Variants in NAPG observed in about 807,000 individuals in gnomAD.
NAPG encodes the protein NSF attachment protein gamma, also known as gamma-soluble NSF attachment protein.
NAPG carries 25 observed loss-of-function variants against 48.4 expected under a neutral mutation model. The observed-to-expected ratio is 0.52, with a 90% confidence interval of 0.38 to 0.72. NAPG has a LOEUF of 0.72. Among genes scored for constraint, NAPG ranks in the 30% least tolerant of loss-of-function variants. The pLI is 0.00. For missense variants in NAPG, 359 were observed against 372.5 expected (o/e 0.96, Z 0.30); for synonymous variants, 139 against 127.2 (o/e 1.09, Z -0.62).
In NAPG at chr18:10,539,979, C is replaced by G; in HGVS notation, c.369-9C>G. On this transcript the variant is annotated splice_polypyrimidine_tract_variant and intron_variant, in intron 6 of 11. Coordinates refer to ENST00000322897, the MANE Select transcript of NAPG (RefSeq NM_003826.3). The surrounding 1 kb of genome is among the most constrained non-coding windows in gnomAD (Gnocchi z 4.7). ...TCTCATATAAGACATGTTTTCTTGT[C>G]TGATTCAGGCTTATAGAAAATGTTG... 1 of 1,604,022 alleles carries G rather than the reference C, an allele frequency of 6.2e-7. No individual in the cohort carries two copies. Among genetic ancestry groups the G allele is most frequent in the Non-Finnish European group, 8.5e-7 (1 of 1,174,502 alleles).
In NAPG at chr18:10,534,427, C is replaced by T. The variant is rs1417581581; in HGVS notation, c.228-39C>T. The T allele has an allele frequency of 5.6e-6, 9 of 1,602,522 alleles. No homozygotes were observed. Among genetic ancestry groups the T allele is most frequent in the Admixed American group, 3.4e-5 (2 of 59,458 alleles). On this transcript the variant is annotated intron_variant, in intron 4 of 11. Transcript: ENST00000322897. The surrounding 1 kb of genome is among the most constrained non-coding windows in gnomAD (Gnocchi z 5.0). ...AGAAAGTTTCTTCTACCCCTTATTT[C>T]GTTAAGATCTCATCAGAGAAATTAT...
chr18:10,534,558 C>A lies in NAPG; in HGVS notation c.258+62C>A. Reference sequence around the variant, plus strand: ...AATGAATTAACTACAAGGTGTTAAACAAGAATTTTTGTTGAAGTTGAAAAG... The same window carrying A: ...AATGAATTAACTACAAGGTGTTAAAAAAGAATTTTTGTTGAAGTTGAAAAG... On this transcript the variant is annotated intron_variant, in intron 5 of 11. Transcript: ENST00000322897. The surrounding 1 kb of genome is among the most constrained non-coding windows in gnomAD (Gnocchi z 5.0). The A allele has an allele frequency of 6.5e-7, 1 of 1,532,944 alleles. No individual in the cohort carries two copies. The highest frequency in any genetic ancestry group is 9.0e-7 in the Non-Finnish European group (1 of 1,108,466). 95.0% of individuals were successfully genotyped at this position (1,532,944 alleles called of 1,614,324 possible).
At position 10,539,667 on chromosome 18, in the gene NAPG, C is replaced by G. The variant is rs1176305027; in HGVS notation, c.259-95C>G. The G allele has an allele frequency of 9.7e-7, 1 of 1,032,662 alleles. No individual in the cohort carries two copies. The highest frequency in any genetic ancestry group is 2.5e-5 in the East Asian group (1 of 39,230). The allele number at this position is 1,032,662 out of a possible 1,614,324, so 64.0% of individuals were successfully genotyped here. The stretch of plus-strand genomic sequence containing the variant: ...CACATTCTGCACATGTGTCCCAGAA[C>G]TTAAAATAAAAAATAATTGCATTTC... On this transcript the variant is annotated intron_variant, in intron 5 of 11. Transcript: ENST00000322897. This position sits in a 1 kb window ranked among gnomAD's most constrained non-coding sequence, Gnocchi z 4.7.
rs887379974 is a variant in NAPG, at chr18:10,548,508, C to G, written c.665+130C>G. On this transcript the variant is annotated intron_variant, in intron 10 of 11. Coordinates refer to ENST00000322897, the MANE Select transcript of NAPG (RefSeq NM_003826.3). The surrounding 1 kb of genome is among the most constrained non-coding windows in gnomAD (Gnocchi z 4.4). Reference sequence around the variant, plus strand: ...CTAAATCTTAGGAGTGCTCATCTACCATTTCATCTTTTACAGTGGGTGTTT... The same window carrying G: ...CTAAATCTTAGGAGTGCTCATCTACGATTTCATCTTTTACAGTGGGTGTTT... 7 of 690,644 alleles carry G rather than the reference C, an allele frequency of 1.0e-5. No homozygotes were observed. Among genetic ancestry groups the G allele is most frequent in the African/African-American group, 9.1e-5 (5 of 54,700 alleles). 42.8% of individuals were successfully genotyped at this position (690,644 alleles called of 1,614,324 possible).
At chr18:10,533,972 C>G (rs965751393) in intron 4 of NAPG, among the ~76,000 whole-genome samples, 1 of 152,052 alleles carries the variant, frequency 6.6e-6, no homozygotes. Flanking sequence ...TGGTGAAAAA[C>G]CTCGTCTCTA....
chr18:10,546,132 A>C lies in NAPG; in HGVS notation c.507-194A>C, dbSNP rs1324807884. Among the ~76,000 whole-genome samples, 1 of 152,120 alleles carries C rather than the reference A, an allele frequency of 6.6e-6. No homozygotes were observed. Among genetic ancestry groups the C allele is most frequent in the East Asian group, 1.9e-4 (1 of 5,190 alleles). On this transcript the variant is annotated intron_variant, in intron 8 of 11. Coordinates refer to ENST00000322897, the MANE Select transcript of NAPG (RefSeq NM_003826.3). The surrounding 1 kb of genome is among the most constrained non-coding windows in gnomAD (Gnocchi z 4.0). ...GCTTTTTCTGTCAGCGTGCAGCCTG[A>C]AAGTGGGGAGTCAGACATTTGAAAG...
In NAPG at chr18:10,550,484, A is replaced by C. The variant is rs2032365452; in HGVS notation, c.*264A>C. On this transcript the variant is annotated 3_prime_UTR_variant, in exon 12 of 12. Coordinates refer to ENST00000322897, the MANE Select transcript of NAPG (RefSeq NM_003826.3). ...TGTACTGTCATGTTTTAATACATTG[A>C]TTAAAAAATTTGCAAGCCAAATTAT... 1 of 295,744 alleles carries C rather than the reference A, an allele frequency of 3.4e-6. No homozygotes were observed. The allele number at this position is 295,744 out of a possible 1,614,324, so 18.3% of individuals were successfully genotyped here.
intron 1 of NAPG, chr18:10,526,404 G>A (rs903397232): frequency 1.5e-5 from 8 of 534,222 alleles, no homozygotes; most frequent in East Asian, 3.3e-5. Flanking sequence ...CAGAGCCGGT[G>A]TGGGCGGGGA....
At chr18:10,526,309 C>G (rs1234462474) in intron 1 of NAPG, 151 bp downstream of exon 1, 1 of 729,786 alleles carries the variant, frequency 1.4e-6, no homozygotes, top group Admixed American at 2.6e-5. Context: ...GCTCGGTGTC[C>G]TCTGGGTCAC....
intron 5 of NAPG, among the ~76,000 whole-genome samples, chr18:10,537,371 TAAG>T (rs1366317808): frequency 1.1e-4 from 17 of 152,332 alleles, no homozygotes; most frequent in Non-Finnish European, 2.2e-4. Context: ...AAGAAAATAT[TAAG>T]AAAATCGTAA....
At chr18:10,545,678 G>T (rs956553436) in intron 8 of NAPG, among the ~76,000 whole-genome samples, 1 of 152,194 alleles carries the variant, frequency 6.6e-6, no homozygotes, top group Non-Finnish European at 1.5e-5. Context: ...GGGCCTGGAG[G>T]GTTTGGGGGA....
rs1023140674 is a variant in NAPG, at chr18:10,539,650, G to A, written c.259-112G>A. The A allele has an allele frequency of 2.1e-4, 180 of 849,762 alleles. No individual in the cohort carries two copies. The highest frequency in any genetic ancestry group is 4.7e-4 in the Admixed American group (21 of 44,692). 52.6% of individuals were successfully genotyped at this position (849,762 alleles called of 1,614,324 possible). A position where few individuals can be genotyped will look rare whatever the true frequency, so the allele number is the denominator to read the frequency against. ...CCTATGTAACAAACCTGCACATTCTGCACATGTGTCCCAGAACTTAAAATA... is the reference window on the plus strand; with the variant it reads ...CCTATGTAACAAACCTGCACATTCTACACATGTGTCCCAGAACTTAAAATA... On this transcript the variant is annotated intron_variant, in intron 5 of 11. Transcript: ENST00000322897. The surrounding 1 kb of genome is among the most constrained non-coding windows in gnomAD (Gnocchi z 4.7).
Position 10,528,603 on chromosome 18 carries a change from T to C in NAPG, c.57-2167T>C, listed in dbSNP as rs756821324. 6.9e-4 allele frequency among the ~76,000 whole-genome samples: 105 copies of C among 152,164 alleles called. 1 individual carries two copies. The highest frequency in any genetic ancestry group is 1.6e-4 in the Non-Finnish European group (11 of 68,030). ...TCAAATAACAGTACAGGGGTAGGAC[T>C]GGGTGATGTTTGTCAGTAAGGTTGA... On this transcript the variant is annotated intron_variant, in intron 1 of 11. Coordinates refer to ENST00000322897, the MANE Select transcript of NAPG (RefSeq NM_003826.3).
At chr18:10,536,956 G>GTTTT (rs374078930) in intron 5 of NAPG, among the ~76,000 whole-genome samples, 5 of 142,384 alleles carry the variant, frequency 3.5e-5, no homozygotes, top group African/African-American at 5.3e-5. Context: ...CTAATAGCCT[G>GTTTT]TTTTTGTTTT....
At position 10,543,244 on chromosome 18, in the gene NAPG, T is replaced by C. The variant is rs1362566985; in HGVS notation, c.506+2845T>C. Among the ~76,000 whole-genome samples the C allele has an allele frequency of 2.0e-5, 3 of 152,092 alleles. No homozygotes were observed. The highest frequency in any genetic ancestry group is 7.2e-5 in the African/African-American group (3 of 41,398). On this transcript the variant is annotated intron_variant, in intron 8 of 11. Coordinates refer to ENST00000322897, the MANE Select transcript of NAPG (RefSeq NM_003826.3). This position sits in a 1 kb window ranked among gnomAD's most constrained non-coding sequence, Gnocchi z 4.4. ...TGCCTCTGAGACAAGGTGTGTGGTCTCAGTGAACCCAAATCCCTCCTAGAA... is the reference window on the plus strand; with the variant it reads ...TGCCTCTGAGACAAGGTGTGTGGTCCCAGTGAACCCAAATCCCTCCTAGAA...
At chr18:10,529,842 C>T (rs1372016182) in intron 1 of NAPG, among the ~76,000 whole-genome samples, 1 of 152,182 alleles carries the variant, frequency 6.6e-6, no homozygotes, top group Non-Finnish European at 1.5e-5. Context: ...ACAGATGCCT[C>T]ATCTTTCAGT....
In NAPG at chr18:10,543,474, C is replaced by T. The variant is rs1355908926; in HGVS notation, c.507-2852C>T. 6.6e-6 allele frequency among the ~76,000 whole-genome samples: 1 copy of T among 152,106 alleles called. No individual in the cohort carries two copies. Among genetic ancestry groups the T allele is most frequent in the East Asian group, 1.9e-4 (1 of 5,204 alleles). On this transcript the variant is annotated intron_variant, in intron 8 of 11. Coordinates refer to ENST00000322897, the MANE Select transcript of NAPG (RefSeq NM_003826.3). This position sits in a 1 kb window ranked among gnomAD's most constrained non-coding sequence, Gnocchi z 4.4. ...ATAAGGAATATAGAAACAAACTTAT[C>T]AGTGATGATAATAAACTTAGCTGGG...
At chr18:10,540,256 A>T in intron 7 of NAPG, 73 bp from the exon 8 acceptor site, 1 of 1,383,452 alleles carries the variant, frequency 7.2e-7, no homozygotes, top group Non-Finnish European at 1.0e-6. Context: ...ACTTCTTTAC[A>T]AAATAAATAT....
At position 10,539,829 on chromosome 18, in the gene NAPG, G is replaced by A. The variant is rs2143120531; in HGVS notation, c.326G>A (p.Gly109Asp). 1 of 1,613,966 alleles carries A rather than the reference G, an allele frequency of 6.2e-7. No homozygotes were observed. Among genetic ancestry groups the A allele is most frequent in the Non-Finnish European group, 8.5e-7 (1 of 1,179,888 alleles). ...GCCAGCATGATGTATCTAGAAAACG[G>A]CACCCCAGACACAGCAGCCATGGCT... ...EKASMMYLEN[G>D]TPDTAAMALE... The change falls in exon 6 of 12, where the codon GGC (glycine) becomes GAC (aspartate). Residue 109 changes from glycine to aspartate, a missense_variant. Coordinates refer to ENST00000322897, the MANE Select transcript of NAPG (RefSeq NM_003826.3). The surrounding 1 kb of genome is among the most constrained non-coding windows in gnomAD (Gnocchi z 4.7).
Sources: gnomAD v4.1 joint callset for allele counts (sites outside exome capture counted in the v4.1 genomes callset) on GRCh38, gnomAD v4.1.1 for gene constraint, Gnocchi (gnomAD v3.1) non-coding constraint, MANE v1.5 for transcripts, NCBI Gene and HGNC (gene_info 2026-07-23, HGNC 2026-07-21) for gene names.